FUT8: variants seen among roughly 807,000 people sequenced by gnomAD.
FUT8 encodes the protein alpha-(1,6)-fucosyltransferase.
Under a neutral mutation model 71.3 loss-of-function variants are expected in FUT8, and 29 were observed. That is an observed-to-expected ratio of 0.41 (90% CI 0.30 to 0.55). The LOEUF (loss-of-function observed/expected upper bound fraction) is 0.55, where lower values mean the gene tolerates loss of function less well. Among genes scored for constraint, FUT8 ranks in the 20% least tolerant of loss-of-function variants. FUT8 has a pLI of 0.34. For synonymous variants in FUT8, 254 were observed against 239.3 expected (o/e 1.06, Z -0.57); for missense variants, 544 against 702.1 (o/e 0.77, Z 2.55).
chr14:65,597,712 AT>A (rs3837619), intron 3 of FUT8, among the ~76,000 whole-genome samples: 7 of 151,262 alleles, frequency 4.6e-5, no homozygotes, highest in African/African-American at 1.5e-4. Context: ...GTGTAACAGA[AT>A]TTTTTTTTGG....
At chr14:65,677,151 T>TGTGTGTGTGTGTGTGCGC in intron 7 of FUT8, among the ~76,000 whole-genome samples, 4,348 of 110,350 alleles carry the variant, frequency 0.039, 126 homozygotes, top group Non-Finnish European at 0.056. Flanking sequence ...TGTGTGTGTG[T>TGTGTGTGTGTGTGTGCGC]GCGCGCGCGC....
chr14:65,476,637 A>ATTTTTTTTTTTTT (rs200882761), intron 2 of FUT8, among the ~76,000 whole-genome samples: 4 of 125,084 alleles, frequency 3.2e-5, no homozygotes, highest in African/African-American at 1.2e-4. Context: ...AAAGAAGTAG[A>ATTTTTTTTTTTTT]TTTTTTTTTT....
intron 1 of FUT8, chr14:65,430,294 T>G (rs1217921281): frequency 6.6e-6 from 1 of 151,988 alleles, no homozygotes; most frequent in Non-Finnish European, 1.5e-5. Context: ...CCACCCAAAA[T>G]GTTGGGATTA....
chr14:65,697,169 G>C (rs749633673), intron 7 of FUT8, among the ~76,000 whole-genome samples: 1 of 152,196 alleles, frequency 6.6e-6, no homozygotes, highest in Admixed American at 6.5e-5. Context: ...TAGGCTGTTA[G>C]TATGAGGTTT....
Position 65,472,305 on chromosome 14 carries a change from T to C in FUT8, c.-228+16587T>C, listed in dbSNP as rs982100770. 6.6e-6 allele frequency among the ~76,000 whole-genome samples: 1 copy of C among 151,846 alleles called. No individual in the cohort carries two copies. Among genetic ancestry groups the C allele is most frequent in the African/African-American group, 2.4e-5 (1 of 41,302 alleles). On this transcript the variant is annotated intron_variant, in intron 2 of 10. Coordinates refer to ENST00000673929, the MANE Select transcript of FUT8 (RefSeq NM_001371533.1). This position sits in a 1 kb window ranked among gnomAD's most constrained non-coding sequence, Gnocchi z 4.4. ...CCAGCTCTTGGGGGAACAAATAGAG[T>C]GAGACCTCAAGCATGCCTGAGGAAG...
intron 1 of FUT8, among the ~76,000 whole-genome samples, chr14:65,424,877 G>C (rs2065359240): frequency 6.6e-6 from 1 of 151,814 alleles, no homozygotes; most frequent in Non-Finnish European, 1.5e-5. Context: ...CCTTGTCCAG[G>C]GTGGTTTTGA....
At chr14:65,490,704 A>G (rs2066469652) in intron 2 of FUT8, among the ~76,000 whole-genome samples, 1 of 152,096 alleles carries the variant, frequency 6.6e-6, no homozygotes, top group Non-Finnish European at 1.5e-5. Flanking sequence ...CCCTCCTCCC[A>G]GAGCTTTGAT....
At chr14:65,440,570 A>C (rs921597746) in intron 1 of FUT8, among the ~76,000 whole-genome samples, 3 of 152,184 alleles carry the variant, frequency 2.0e-5, no homozygotes, top group Admixed American at 1.3e-4. Context: ...TGATTTAATC[A>C]TTCCACAGCG....
chr14:65,452,460 G>T (rs985711572), intron 1 of FUT8, among the ~76,000 whole-genome samples: 1 of 152,220 alleles, frequency 6.6e-6, no homozygotes, highest in Non-Finnish European at 1.5e-5. Flanking sequence ...GAGAGGGTTT[G>T]TAGGGATGGA....
rs1892353337 is a variant in FUT8, at chr14:65,669,110, C to T, written c.598-133C>T. The T allele has an allele frequency of 1.5e-6, 1 of 658,700 alleles. No individual in the cohort carries two copies. Among genetic ancestry groups the T allele is most frequent in the South Asian group, 2.0e-5 (1 of 50,864 alleles). The allele number at this position is 658,700 out of a possible 1,614,324, so 40.8% of individuals were successfully genotyped here. A position where few individuals can be genotyped will look rare whatever the true frequency, so the allele number is the denominator to read the frequency against. ...TGATTACTTGGGGTGTATACCAAAC[C>T]CCACGACACACAATTTATCTATAGA... is the stretch of plus-strand genomic sequence containing the variant. On this transcript the variant is annotated intron_variant, in intron 6 of 10. Coordinates refer to ENST00000673929, the MANE Select transcript of FUT8 (RefSeq NM_001371533.1). The surrounding 1 kb of genome is among the most constrained non-coding windows in gnomAD (Gnocchi z 4.5).
intron 2 of FUT8, chr14:65,468,389 AT>A (rs139616800): frequency 0.15 from 47,810 of 311,756 alleles, no homozygotes; most frequent in Middle Eastern, 0.19. Flanking sequence ...GAAAGGTTGG[AT>A]TTTTTTTTTT....
At chr14:65,441,690 T>C (rs930312004) in intron 1 of FUT8, among the ~76,000 whole-genome samples, 40 of 137,196 alleles carry the variant, frequency 2.9e-4, no homozygotes, top group African/African-American at 9.9e-4. Flanking sequence ...GAGGCAGAGG[T>C]TGCAGTAAGC....
At chr14:65,556,678 G>A (rs1885602271) in intron 2 of FUT8, among the ~76,000 whole-genome samples, 1 of 152,174 alleles carries the variant, frequency 6.6e-6, no homozygotes, top group Non-Finnish European at 1.5e-5. Context: ...AATAGTGGAC[G>A]CAGAGATAGT....
rs373142751 is a variant in FUT8, at chr14:65,577,149, C to G, written c.203+15383C>G. Reference sequence around the variant, plus strand: ...ACAGATATGAGCCATTGCGCCTGGTCTTACTATAAATCTTTATAAGCTTAC... The same window carrying G: ...ACAGATATGAGCCATTGCGCCTGGTGTTACTATAAATCTTTATAAGCTTAC... On this transcript the variant is annotated intron_variant, in intron 3 of 10. Transcript: ENST00000673929. Among the ~76,000 whole-genome samples, 24 of 152,172 alleles carry G rather than the reference C, an allele frequency of 1.6e-4. No individual in the cohort carries two copies. In the South Asian group the frequency reaches 5.0e-3, roughly 32 times the overall value.
chr14:65,403,304 G>A, the FUT8 span, among the ~76,000 whole-genome samples: 6 of 152,258 alleles, frequency 3.9e-5, no homozygotes. Flanking sequence ...GAGTTTTAAA[G>A]TTTCCCAAGG....
intron 9 of FUT8, among the ~76,000 whole-genome samples, chr14:65,730,619 C>G (rs576699518): frequency 1.1e-4 from 16 of 152,244 alleles, no homozygotes; most frequent in Admixed American, 1.0e-3. Flanking sequence ...TTGCAGTGAG[C>G]CAAGATCGCA....
chr14:65,554,160 T>A (rs911821641), intron 2 of FUT8, among the ~76,000 whole-genome samples: 3 of 152,044 alleles, frequency 2.0e-5, no homozygotes, highest in Non-Finnish European at 1.5e-5. Flanking sequence ...CTCTTCAAGC[T>A]CACTGAGTTT....
intron 5 of FUT8, among the ~76,000 whole-genome samples, chr14:65,624,699 T>C (rs1889805254): frequency 6.6e-6 from 1 of 152,248 alleles, no homozygotes; most frequent in Admixed American, 6.5e-5. Flanking sequence ...GCATATTGAA[T>C]TTCCTTTTTT....
chr14:65,488,970 C>T (rs1243190813), intron 2 of FUT8, among the ~76,000 whole-genome samples: 1 of 152,066 alleles, frequency 6.6e-6, no homozygotes, highest in African/African-American at 2.4e-5. Flanking sequence ...TTTACTATTT[C>T]TACATGGATA....
Sources: allele counts gnomAD v4.1 joint callset (sites outside exome capture counted in the v4.1 genomes callset), GRCh38; gene constraint gnomAD v4.1.1; non-coding constraint Gnocchi (gnomAD v3.1); transcripts MANE v1.5; gene names NCBI Gene and HGNC (gene_info 2026-07-23, HGNC 2026-07-21).